The following PTCHD4 variants were observed in gnomAD, a reference collection of about 807,000 sequenced individuals.
PTCHD4 encodes the protein patched domain-containing protein 4.
Under a neutral mutation model 58.1 loss-of-function variants are expected in PTCHD4, and 33 were observed. The observed-to-expected ratio is 0.57, with a 90% CI of 0.43 to 0.76. The LOEUF is 0.76. Among genes scored for constraint, PTCHD4 ranks in the 30% least tolerant of loss-of-function variants. The pLI, the probability that PTCHD4 is intolerant of heterozygous loss-of-function variation, is 0.00. For missense variants in PTCHD4, 1,058 were observed against 1,027.1 expected, an observed-to-expected ratio of 1.03 and a Z score of -0.41; for synonymous variants, 478 against 409.6, an observed-to-expected ratio of 1.17 and a Z score of -2.02.
chr6:48,092,550 TTGAC>T (rs1320651715), intron 1 of PTCHD4, among the ~76,000 whole-genome samples: 11 of 152,336 alleles, frequency 7.2e-5, no homozygotes, highest in African/African-American at 2.4e-4. Flanking sequence ...TGATAGCTCA[TTGAC>T]TACTCTCAGG....
chr6:47,955,538 G>A (rs1461741346), intron 4 of PTCHD4, among the ~76,000 whole-genome samples: 1 of 152,184 alleles, frequency 6.6e-6, no homozygotes, highest in South Asian at 2.1e-4. Context: ...TTGGACAAGA[G>A]CAAGTGGTCC....
chr6:47,989,039 T>C (rs1768185589), intron 4 of PTCHD4, among the ~76,000 whole-genome samples: 1 of 152,220 alleles, frequency 6.6e-6, no homozygotes, highest in African/African-American at 2.4e-5. Context: ...ATATGGACGA[T>C]AAGGTTCAGT....
intron 1 of PTCHD4, among the ~76,000 whole-genome samples, chr6:48,106,578 T>C (rs912659154): frequency 4.6e-5 from 7 of 152,068 alleles, no homozygotes; most frequent in African/African-American, 7.2e-5. Context: ...TCCTATTCAA[T>C]ATAGTGTTGG....
intron 1 of PTCHD4, among the ~76,000 whole-genome samples, chr6:48,080,906 T>A (rs543271836): frequency 7.9e-5 from 12 of 152,326 alleles, no homozygotes; most frequent in Middle Eastern, 3.4e-3. Context: ...GGCTTACCTT[T>A]CTTGTTTTTA....
chr6:48,103,893 T>C (rs1765661366), intron 1 of PTCHD4, among the ~76,000 whole-genome samples: 1 of 151,714 alleles, frequency 6.6e-6, no homozygotes, highest in South Asian at 2.1e-4. Flanking sequence ...TGAAGAGAAG[T>C]TTAGAGGAAA....
At position 48,069,143 on chromosome 6, in the gene PTCHD4, G is replaced by GC. The variant is rs1387163473; in HGVS notation, c.-187_-186insG. On this transcript the variant is annotated 5_prime_UTR_variant, in exon 2 of 5. It introduces an in-frame stop codon into an upstream open reading frame of the 5' UTR. Transcript: ENST00000339488. ...GAAGCAGACATGTGCCCCATAAAGGGGGGGGGGGCTGAGGGGGGGAGAGGA... is the reference window on the plus strand; with the variant it reads ...GAAGCAGACATGTGCCCCATAAAGGGCGGGGGGGGCTGAGGGGGGGAGAGGA... Among the ~76,000 whole-genome samples, 2 of 141,874 alleles carry GC rather than the reference G, an allele frequency of 1.4e-5. No individual in the cohort carries two copies. Among genetic ancestry groups the GC allele is most frequent in the Non-Finnish European group, 3.1e-5 (2 of 64,814 alleles). The allele number at this position is 141,874 out of a possible 152,430, so 93.1% of individuals were successfully genotyped here.
chr6:48,008,763 T>A lies in PTCHD4; in HGVS notation c.769A>T (p.Ser257Cys), dbSNP rs758966883. The A allele has an allele frequency of 6.2e-7, 1 of 1,613,972 alleles. No individual in the cohort carries two copies. Among genetic ancestry groups the A allele is most frequent in the Non-Finnish European group, 8.5e-7 (1 of 1,179,878 alleles). The change falls in exon 4 of 5, where the codon AGT (serine) becomes TGT (cysteine). Residue 257 changes from serine to cysteine, a missense_variant. Ser to Cys is a moderately radical substitution (Grantham distance 112). Coordinates refer to ENST00000339488, the MANE Select transcript of PTCHD4 (RefSeq NM_001384253.1). ...LSSSMKDCLR[S>C]KPFLGLLGVL... ...CCCAGGAGGCCCAGGAAGGGCTTACTGCGCAAGCAGTCCTTCATGGAGCTG... is the reference window on the plus strand; with the variant it reads ...CCCAGGAGGCCCAGGAAGGGCTTACAGCGCAAGCAGTCCTTCATGGAGCTG...
At chr6:47,966,021 A>C (rs1348562090) in intron 4 of PTCHD4, among the ~76,000 whole-genome samples, 1 of 152,212 alleles carries the variant, frequency 6.6e-6, no homozygotes, top group African/African-American at 2.4e-5. Flanking sequence ...TAAAATATGG[A>C]GAAAATATAA....
At chr6:48,001,676 T>C (rs1397647855) in intron 4 of PTCHD4, among the ~76,000 whole-genome samples, 1 of 152,118 alleles carries the variant, frequency 6.6e-6, no homozygotes, top group Non-Finnish European at 1.5e-5. Context: ...ACCTAGGCAA[T>C]ACCATTCAGG....
At chr6:47,905,492 G>C (rs1764849338) in intron 4 of PTCHD4, among the ~76,000 whole-genome samples, 1 of 152,206 alleles carries the variant, frequency 6.6e-6, no homozygotes. Context: ...AATGAAAGCT[G>C]TCTGTGCTTT....
intron 3 of PTCHD4, among the ~76,000 whole-genome samples, chr6:48,013,119 C>T (rs987719889): frequency 9.2e-5 from 14 of 151,974 alleles, no homozygotes; most frequent in African/African-American, 3.4e-4. Context: ...CCCTCTTTTT[C>T]TATTGTTTGG....
At position 47,856,924 on chromosome 6, in the gene PTCHD4, A is replaced by G. The variant is rs1471912041; in HGVS notation, c.*21379T>C. Among the ~76,000 whole-genome samples the G allele has an allele frequency of 6.6e-6, 1 of 152,060 alleles. No homozygotes were observed. The highest frequency in any genetic ancestry group is 2.4e-5 in the African/African-American group (1 of 41,428). ...TTTGTAATAGCTTTTCATAATGGGA[A>G]GGGACAATATTCATATTTAAATAAT... On this transcript the variant is annotated 3_prime_UTR_variant, in exon 5 of 5. Coordinates refer to ENST00000339488, the MANE Select transcript of PTCHD4 (RefSeq NM_001384253.1).
intron 1 of PTCHD4, among the ~76,000 whole-genome samples, chr6:48,073,612 G>A (rs1020677489): frequency 6.6e-6 from 1 of 152,140 alleles, no homozygotes; most frequent in African/African-American, 2.4e-5. Context: ...GATATTTCTG[G>A]TCATCCAGGA....
intron 4 of PTCHD4, among the ~76,000 whole-genome samples, chr6:47,985,581 G>A (rs1768035243): frequency 1.3e-5 from 2 of 151,900 alleles, no homozygotes; most frequent in East Asian, 3.9e-4. Flanking sequence ...TCATTTAGTG[G>A]ATGATGAAAG....
In PTCHD4 at chr6:47,865,810, ATC is replaced by A. The variant is rs1471265141; in HGVS notation, c.*12491_*12492del. Among the ~76,000 whole-genome samples the A allele has an allele frequency of 6.6e-6, 1 of 151,870 alleles. No individual in the cohort carries two copies. Among genetic ancestry groups the A allele is most frequent in the Admixed American group, 6.6e-5 (1 of 15,208 alleles). ...CTAATAATAATAATAATAAAAAGTA[ATC>A]TGAGTCCATCAAATCAAATATAAAT... On this transcript the variant is annotated 3_prime_UTR_variant, in exon 5 of 5. Transcript: ENST00000339488.
chr6:47,878,515 G>T lies in PTCHD4; in HGVS notation c.2320C>A (p.Pro774Thr), dbSNP rs1763909114. 1 of 1,613,408 alleles carries T rather than the reference G, an allele frequency of 6.2e-7. No homozygotes were observed. The highest frequency in any genetic ancestry group is 1.1e-5 in the South Asian group (1 of 91,062). ...LIGLVPLLFV[P>T]SNLTFTLFKC... Reference sequence around the variant, plus strand: ...AACAGTGTGAAGGTCAGGTTCGAAGGCACAAATAGAAGGGGGACTAACCCA... The same window carrying T: ...AACAGTGTGAAGGTCAGGTTCGAAGTCACAAATAGAAGGGGGACTAACCCA... Residue 774 changes from proline to threonine, a missense_variant, in exon 5 of 5, where the codon CCT becomes ACT. Physicochemically the swap from Pro to Thr is conservative, Grantham distance 38. Transcript: ENST00000339488.
At chr6:47,953,419 A>G (rs1432980931) in intron 4 of PTCHD4, among the ~76,000 whole-genome samples, 2 of 152,190 alleles carry the variant, frequency 1.3e-5, no homozygotes, top group African/African-American at 4.8e-5. Flanking sequence ...CTTTGTACAC[A>G]TCAGTATCCT....
At chr6:48,045,491 C>T (rs1279507046) in intron 3 of PTCHD4, among the ~76,000 whole-genome samples, 1 of 151,816 alleles carries the variant, frequency 6.6e-6, no homozygotes, top group African/African-American at 2.4e-5. Context: ...AGCACTCCCC[C>T]TTTAGAGACC....
At chr6:48,098,318 T>TTTCTTCTTTTTCTTCTTCTTC (rs1765518179) in intron 1 of PTCHD4, among the ~76,000 whole-genome samples, 1 of 142,606 alleles carries the variant, frequency 7.0e-6, no homozygotes, top group African/African-American at 2.6e-5. Flanking sequence ...TTTCTTTTCT[T>TTTCTTCTTTTTCTTCTTCTTC]TTCTTCTTCT....
Sources: allele counts gnomAD v4.1 joint callset (sites outside exome capture counted in the v4.1 genomes callset), GRCh38; gene constraint gnomAD v4.1.1; transcripts MANE v1.5; gene names NCBI Gene and HGNC (gene_info 2026-07-23, HGNC 2026-07-21).